RANBP2: variants seen among roughly 807,000 people sequenced by gnomAD.
RANBP2 encodes E3 SUMO-protein ligase RanBP2.
RANBP2 carries 57 observed loss-of-function variants against 303.6 expected under a neutral mutation model. The ratio of observed to expected loss-of-function variants is 0.19; its 90% CI spans 0.15 to 0.23. RANBP2 has a LOEUF of 0.23. Among genes scored for constraint, RANBP2 ranks in the 10% least tolerant of loss-of-function variants. The pLI is 1.00. For missense variants in RANBP2, 3,138 were observed against 3,780.8 expected, an observed-to-expected ratio of 0.83 and a Z score of 4.46; for synonymous variants, 1,167 against 1,301.5, an observed-to-expected ratio of 0.90 and a Z score of 2.23.
At chr2:109,432,356 C>G in the RANBP2 span, 1 of 1,039,808 alleles carries the variant, frequency 9.6e-7, no homozygotes, top group African/African-American at 1.6e-5. Flanking sequence ...TGTGTGAGGC[C>G]TCTGTAAACT....
At chr2:109,418,878 T>C in the RANBP2 span, among the ~76,000 whole-genome samples, 4 of 152,144 alleles carry the variant, frequency 2.6e-5, no homozygotes, top group East Asian at 7.8e-4. Context: ...GGACTAAGGA[T>C]TCTCTATGTA....
chr2:109,633,001 AG>A, the RANBP2 span, among the ~76,000 whole-genome samples: 3 of 152,226 alleles, frequency 2.0e-5, no homozygotes, highest in East Asian at 5.8e-4. Context: ...CATGGCTTGG[AG>A]GAGGGGAACT....
the RANBP2 span, among the ~76,000 whole-genome samples, chr2:109,526,568 T>C: frequency 6.6e-6 from 1 of 152,164 alleles, no homozygotes. Flanking sequence ...TGCCTTGGTC[T>C]CCCAAAGTGC....
chr2:109,184,075 G>A, the RANBP2 span, among the ~76,000 whole-genome samples: 15 of 152,360 alleles, frequency 9.8e-5, no homozygotes, highest in African/African-American at 2.9e-4. Flanking sequence ...CTCTGTGAAC[G>A]TGGGGTGTTG....
At chr2:109,369,586 G>A in the RANBP2 span, among the ~76,000 whole-genome samples, 1 of 152,190 alleles carries the variant, frequency 6.6e-6, no homozygotes, top group Non-Finnish European at 1.5e-5. Flanking sequence ...TTGGGGGAGA[G>A]GATGGGGAAA....
At chr2:109,184,502 T>C in the RANBP2 span, among the ~76,000 whole-genome samples, 1 of 152,136 alleles carries the variant, frequency 6.6e-6, no homozygotes, top group African/African-American at 2.4e-5. Flanking sequence ...TGCTCACTGC[T>C]CAGAGTCCTG....
At chr2:109,358,160 G>A in the RANBP2 span, among the ~76,000 whole-genome samples, 61 of 152,226 alleles carry the variant, frequency 4.0e-4, no homozygotes, top group African/African-American at 1.3e-3. Flanking sequence ...TAGCCTTTTC[G>A]TAATGGTTGC....
Position 108,783,698 on chromosome 2 carries a change from C to T in RANBP2, c.9472C>T (p.Leu3158=). ...TGTGAAACATACTGGTCCTGGTTTACTATCCATGGCCAATCAAGGCCAGAA... is the reference window on the plus strand; with the variant it reads ...TGTGAAACATACTGGTCCTGGTTTATTATCCATGGCCAATCAAGGCCAGAA... The part of the protein sequence containing the change: ...FDVKHTGPGL[L]SMANQGQNTN... The change falls in exon 29 of 29, where the codon CTA becomes TTA. Residue 3158 remains leucine (L), a synonymous_variant. Coordinates refer to ENST00000283195, the MANE Select transcript of RANBP2 (RefSeq NM_006267.5). 5.0e-6 allele frequency: 8 copies of T among 1,610,648 alleles called. No individual in the cohort carries two copies. The highest frequency in any genetic ancestry group is 6.8e-6 in the Non-Finnish European group (8 of 1,176,878).
At chr2:109,334,126 A>G in the RANBP2 span, among the ~76,000 whole-genome samples, 1 of 152,186 alleles carries the variant, frequency 6.6e-6, no homozygotes, top group African/African-American at 2.4e-5. Context: ...TGGGAGGCCA[A>G]AGTGGGAGGA....
At chr2:108,874,356 C>G in the RANBP2 span, among the ~76,000 whole-genome samples, 3 of 152,088 alleles carry the variant, frequency 2.0e-5, no homozygotes, top group African/African-American at 7.2e-5. Context: ...CCTCATCTTT[C>G]TCCTGACTCA....
At chr2:109,589,645 T>G in the RANBP2 span, among the ~76,000 whole-genome samples, 2 of 152,204 alleles carry the variant, frequency 1.3e-5, no homozygotes, top group African/African-American at 4.8e-5. Context: ...AATGGAATGC[T>G]GATAAATTTG....
At chr2:109,564,293 A>G in the RANBP2 span, 1 of 1,337,448 alleles carries the variant, frequency 7.5e-7, no homozygotes, top group East Asian at 2.5e-5. Flanking sequence ...ATGCCCCATC[A>G]TCCTGGATAT....
the RANBP2 span, among the ~76,000 whole-genome samples, chr2:109,006,874 A>G: frequency 6.6e-6 from 1 of 152,392 alleles, no homozygotes; most frequent in South Asian, 2.1e-4. Context: ...TTATACAAAC[A>G]TGAGGAAGAC....
At chr2:109,549,721 C>A in the RANBP2 span, among the ~76,000 whole-genome samples, 1 of 152,092 alleles carries the variant, frequency 6.6e-6, no homozygotes, top group African/African-American at 2.4e-5. Context: ...ACAGGTAGTA[C>A]CATACCCTAT....
chr2:108,764,385 T>A lies in RANBP2; in HGVS notation c.3846T>A (p.Ala1282=). 1 of 1,614,032 alleles carries A rather than the reference T, an allele frequency of 6.2e-7. No individual in the cohort carries two copies. Among genetic ancestry groups the A allele is most frequent in the East Asian group, 2.2e-5 (1 of 44,882 alleles). Residue 1282 remains alanine (A), a synonymous_variant, in exon 20 of 29, where the codon GCT becomes GCA. Coordinates refer to ENST00000283195, the MANE Select transcript of RANBP2 (RefSeq NM_006267.5). ...ADELPKPEQL[A]IRFKTPEEAA... is the part of the protein sequence containing the mutation. ...AGTTGCCAAAACCAGAACAACTTGC[T>A]ATTAGGTTCAAAACTCCTGAGGAAG...
the RANBP2 span, among the ~76,000 whole-genome samples, chr2:108,952,251 G>A: frequency 6.6e-6 from 1 of 152,138 alleles, no homozygotes; most frequent in South Asian, 2.1e-4. Context: ...CTTGTTGATT[G>A]ATTTGGTTTA....
At chr2:109,085,192 T>C in the RANBP2 span, among the ~76,000 whole-genome samples, 1 of 152,228 alleles carries the variant, frequency 6.6e-6, no homozygotes, top group East Asian at 1.9e-4. Context: ...TTTGAGAGGC[T>C]GTGCTACTCT....
At chr2:109,228,007 G>A in the RANBP2 span, among the ~76,000 whole-genome samples, 2 of 152,188 alleles carry the variant, frequency 1.3e-5, no homozygotes, top group African/African-American at 4.8e-5. Context: ...AGGAAAGAGT[G>A]GGGAATAGTT....
At chr2:109,708,225 A>G in the RANBP2 span, among the ~76,000 whole-genome samples, 1 of 151,640 alleles carries the variant, frequency 6.6e-6, no homozygotes, top group Non-Finnish European at 1.5e-5. Context: ...AGATGAAGAA[A>G]ATTAGAACAT....
Sources: allele counts gnomAD v4.1 joint callset (sites outside exome capture counted in the v4.1 genomes callset), GRCh38; gene constraint gnomAD v4.1.1; transcripts MANE v1.5; gene names NCBI Gene and HGNC (gene_info 2026-07-23, HGNC 2026-07-21).